LRCH1: variants seen among roughly 807,000 people sequenced by gnomAD.
The protein encoded by LRCH1 is leucine rich repeats and calponin homology domain containing 1, also known as leucine-rich repeat and calponin homology domain-containing protein 1.
Under a neutral mutation model 94.9 loss-of-function variants are expected in LRCH1, and 23 were observed. The observed-to-expected ratio is 0.24, with a 90% confidence interval of 0.17 to 0.34. The LOEUF (loss-of-function observed/expected upper bound fraction) is 0.34. Among genes scored for constraint, LRCH1 ranks in the 10% least tolerant of loss-of-function variants. The pLI, the probability that LRCH1 is intolerant of heterozygous loss-of-function variation, is 1.00. For missense variants in LRCH1, 790 were observed against 945.9 expected (o/e 0.84, Z 2.16); for synonymous variants, 364 against 354.9 (o/e 1.03, Z -0.29).
At chr13:46,749,683 A>G (rs1289929846), downstream of LRCH1, among the ~76,000 whole-genome samples, 3 of 152,234 alleles carry the variant, frequency 2.0e-5, no homozygotes, top group Non-Finnish European at 4.4e-5. Flanking sequence ...GTCATCAAGT[A>G]GATAAAAGAA....
rs1324316140 is a variant in LRCH1, at chr13:46,698,881, G to A, written c.1246-455G>A. On this transcript the variant is annotated intron_variant, in intron 9 of 19. Coordinates refer to ENST00000389797, the MANE Select transcript of LRCH1 (RefSeq NM_001164211.2). ...TTCAGAGTGTTTTAACTACATTTAC[G>A]TTGTGCAGCCTATCTCCAGAACTCT... is the stretch of plus-strand genomic sequence containing the variant. Among the ~76,000 whole-genome samples the A allele has an allele frequency of 5.3e-5, 8 of 152,092 alleles. No individual in the cohort carries two copies. In the East Asian group the frequency reaches 1.2e-3, roughly 22 times the overall value.
At chr13:46,694,187 T>G (rs1025173572) in intron 8 of LRCH1, among the ~76,000 whole-genome samples, 1 of 152,186 alleles carries the variant, frequency 6.6e-6, no homozygotes, top group Non-Finnish European at 1.5e-5. Context: ...GTGTTCCCCC[T>G]CTCGTCTAGA....
chr13:46,556,448 T>G (rs765034362), intron 1 of LRCH1, among the ~76,000 whole-genome samples: 23 of 152,156 alleles, frequency 1.5e-4, no homozygotes, highest in Non-Finnish European at 3.1e-4. Context: ...GTTGTCAGAG[T>G]CTAGTCTTTT....
At chr13:46,689,424 C>G (rs571113758) in intron 7 of LRCH1, among the ~76,000 whole-genome samples, 1 of 152,072 alleles carries the variant, frequency 6.6e-6, no homozygotes, top group South Asian at 2.1e-4. Flanking sequence ...GTAAATGCCT[C>G]AAGAGTGGAG....
chr13:46,563,599 C>T (rs2050151793), intron 1 of LRCH1, among the ~76,000 whole-genome samples: 1 of 152,190 alleles, frequency 6.6e-6, no homozygotes, highest in African/African-American at 2.4e-5. Flanking sequence ...TCAGGTATTG[C>T]TCCAAGTGCT....
intron 1 of LRCH1, among the ~76,000 whole-genome samples, chr13:46,554,216 G>A (rs772124527): frequency 9.2e-5 from 14 of 152,372 alleles, no homozygotes; most frequent in Middle Eastern, 3.4e-3. Flanking sequence ...GCCCTCGGCC[G>A]AGCCAGGGGC....
chr13:46,645,745 G>T (rs9595505), intron 1 of LRCH1, among the ~76,000 whole-genome samples: 1 of 152,006 alleles, frequency 6.6e-6, no homozygotes, highest in African/African-American at 2.4e-5. Flanking sequence ...CCTTTAAAAG[G>T]TTCGTAGCTA....
At chr13:46,718,360 G>A (rs1872427771) in intron 16 of LRCH1, among the ~76,000 whole-genome samples, 1 of 152,054 alleles carries the variant, frequency 6.6e-6, no homozygotes, top group African/African-American at 2.4e-5. Flanking sequence ...TTTCCCATTA[G>A]AGAAATGAAG....
At chr13:46,728,825 T>C in intron 17 of LRCH1, 22 bp from the exon 18 acceptor site, 1 of 1,583,360 alleles carries the variant, frequency 6.3e-7, no homozygotes, top group Non-Finnish European at 8.6e-7. Context: ...ATTAACTGGC[T>C]TCCTTCTGAT....
At chr13:46,589,820 C>A (rs970530039) in intron 1 of LRCH1, among the ~76,000 whole-genome samples, 4 of 151,532 alleles carry the variant, frequency 2.6e-5, no homozygotes, top group Admixed American at 1.3e-4. Context: ...AGGCTGGTCT[C>A]GAACTCCTGA....
At position 46,735,793 on chromosome 13, in the gene LRCH1, C is replaced by CT. The variant is rs869071310; in HGVS notation, c.2085+1811dup. On this transcript the variant is annotated intron_variant, in intron 19 of 19. Transcript: ENST00000389797. ...ATTTTCCTTTTTTTCTTTTTCTTTT[C>CT]TTTTTTTTTTTTTTTTCGAGATGGA... 4.6e-3 allele frequency among the ~76,000 whole-genome samples: 108 copies of CT among 23,562 alleles called. 4 individuals carry two copies. The East Asian group carries it at 0.13, about 28-fold the overall frequency. The allele number at this position is 23,562 out of a possible 152,430, so 15.5% of individuals were successfully genotyped here. A position where few individuals can be genotyped will look rare whatever the true frequency, so the allele number is the denominator to read the frequency against.
Position 46,711,775 on chromosome 13 carries a change from G to A in LRCH1, c.1528-16G>A. 1 of 1,608,680 alleles carries A rather than the reference G, an allele frequency of 6.2e-7. No individual in the cohort carries two copies. On this transcript the variant is annotated splice_polypyrimidine_tract_variant and intron_variant, in intron 13 of 19. Transcript: ENST00000389797. ...AGTCTAATGGAACATACCATGCTTTGTTCTTCTTTTTTAAGGTGCAAAGTG... is the reference window on the plus strand; with the variant it reads ...AGTCTAATGGAACATACCATGCTTTATTCTTCTTTTTTAAGGTGCAAAGTG...
At chr13:46,576,254 G>A (rs1207757155) in intron 1 of LRCH1, among the ~76,000 whole-genome samples, 2 of 152,170 alleles carry the variant, frequency 1.3e-5, no homozygotes, top group Admixed American at 6.5e-5. Context: ...CTCATGCATG[G>A]CAGCATATTT....
At chr13:46,647,505 T>G (rs1773118) in intron 1 of LRCH1, among the ~76,000 whole-genome samples, 127,815 of 152,194 alleles carry the variant, frequency 0.84, 54,231 homozygotes, top group African/African-American at 0.96. Context: ...CTCTTTCTGT[T>G]TATAAAAAAT....
chr13:46,568,464 A>G (rs1446548688), intron 1 of LRCH1, among the ~76,000 whole-genome samples: 1 of 152,226 alleles, frequency 6.6e-6, no homozygotes, highest in African/African-American at 2.4e-5. Flanking sequence ...TATCCTGGTC[A>G]TTTCACCAGC....
chr13:46,714,295 CAT>C (rs1238097295), intron 15 of LRCH1, among the ~76,000 whole-genome samples: 1 of 152,128 alleles, frequency 6.6e-6, no homozygotes, highest in Non-Finnish European at 1.5e-5. Context: ...CATCAAGTGA[CAT>C]GTGGGAACTT....
chr13:46,720,781 C>A (rs1375143202), intron 16 of LRCH1, among the ~76,000 whole-genome samples: 1 of 152,116 alleles, frequency 6.6e-6, no homozygotes, highest in East Asian at 1.9e-4. Context: ...TGAAGTTATT[C>A]TGTTGTAACA....
intron 18 of LRCH1, among the ~76,000 whole-genome samples, chr13:46,729,988 C>G (rs923429539): frequency 6.6e-6 from 1 of 152,164 alleles, no homozygotes; most frequent in African/African-American, 2.4e-5. Context: ...GGCTCTCTTC[C>G]TAGGTATCAC....
chr13:46,744,878 A>G lies in LRCH1; in HGVS notation c.*3030A>G. On this transcript the variant is annotated 3_prime_UTR_variant, in exon 20 of 20. Coordinates refer to ENST00000389797, the MANE Select transcript of LRCH1 (RefSeq NM_001164211.2). Reference sequence around the variant, plus strand: ...TCGTATTTCAAAATTAGTTCTCAATAAACAATCAATTTGGTATATAGAATG... The same window carrying G: ...TCGTATTTCAAAATTAGTTCTCAATGAACAATCAATTTGGTATATAGAATG... 4.1e-6 allele frequency: 4 copies of G among 984,722 alleles called. No homozygotes were observed. Among genetic ancestry groups the G allele is most frequent in the Non-Finnish European group, 4.8e-6 (4 of 829,526 alleles). 61.0% of individuals were successfully genotyped at this position (984,722 alleles called of 1,614,324 possible). A position where few individuals can be genotyped will look rare whatever the true frequency, so the allele number is the denominator to read the frequency against.
Sources: allele counts gnomAD v4.1 joint callset (sites outside exome capture counted in the v4.1 genomes callset), GRCh38; gene constraint gnomAD v4.1.1; transcripts MANE v1.5; gene names NCBI Gene and HGNC (gene_info 2026-07-23, HGNC 2026-07-21).